PTPRD: variants seen among roughly 807,000 people sequenced by gnomAD.
PTPRD encodes receptor-type tyrosine-protein phosphatase delta.
PTPRD carries 34 observed loss-of-function variants against 214.5 expected under a neutral mutation model. That is an observed-to-expected ratio of 0.16 (90% confidence interval 0.12 to 0.21). The LOEUF (loss-of-function observed/expected upper bound fraction) is 0.21. Ranked by LOEUF, PTPRD falls within the 10% of genes least tolerant of loss-of-function variation. The pLI, the probability that PTPRD is intolerant of heterozygous loss-of-function variation, is 1.00. For missense variants in PTPRD, 2,545 were observed against 2,398.7 expected (o/e 1.06, Z -1.27); for synonymous variants, 1,128 against 845.7 (o/e 1.33, Z -5.79).
At position 9,945,021 on chromosome 9, in the gene PTPRD, T is replaced by C. The variant is rs139917177; in HGVS notation, c.-471-6411A>G. On this transcript the variant is annotated intron_variant, in intron 4 of 45. Coordinates refer to ENST00000381196, the MANE Select transcript of PTPRD (RefSeq NM_002839.4). ...GAGGTGTTGAGAGGTAGCTAGAATA[T>C]GGATTTGTCTGAAGGTAAAAAGAAT... Among the ~76,000 whole-genome samples, 23 of 152,196 alleles carry C rather than the reference T, an allele frequency of 1.5e-4. No individual in the cohort carries two copies. In the East Asian group the frequency reaches 4.5e-3, roughly 29 times the overall value.
In PTPRD at chr9:8,341,871, G is replaced by A. The variant is rs931142495; in HGVS notation, c.4769C>T (p.Ala1590Val). ...DIYGHVTLMRAQRNYMVQTED... is the reference protein window; with the variant it reads ...DIYGHVTLMRVQRNYMVQTED... ...TGTTTGAACCATATAGTTCCTCTGG[G>A]CTCTCATTAAAGTTACATGGCCATA... is the stretch of plus-strand genomic sequence containing the variant. Residue 1590 changes from alanine to valine, a missense_variant, in exon 40 of 46, where the codon GCC becomes GTC. Transcript: ENST00000381196. 4 of 1,613,108 alleles carry A rather than the reference G, an allele frequency of 2.5e-6. No individual in the cohort carries two copies. Among genetic ancestry groups the A allele is most frequent in the Non-Finnish European group, 3.4e-6 (4 of 1,179,628 alleles).
intron 37 of PTPRD, among the ~76,000 whole-genome samples, chr9:8,386,825 G>A (rs2087255384): frequency 6.6e-6 from 1 of 152,204 alleles, no homozygotes; most frequent in African/African-American, 2.4e-5. Flanking sequence ...AAGAGCAACT[G>A]GATAGGGAAA....
chr9:8,805,610 A>T (rs912716667), intron 11 of PTPRD, among the ~76,000 whole-genome samples: 9 of 151,284 alleles, frequency 5.9e-5, no homozygotes, highest in East Asian at 2.0e-4. Flanking sequence ...TATTATTATT[A>T]TTTTTTTCCG....
intron 14 of PTPRD, among the ~76,000 whole-genome samples, chr9:8,600,940 G>C (rs536558173): frequency 6.6e-6 from 1 of 152,100 alleles, no homozygotes; most frequent in South Asian, 2.1e-4. Flanking sequence ...AGCCATAGTG[G>C]GGTAAAGCAC....
chr9:10,101,566 G>A (rs985206781), intron 3 of PTPRD, among the ~76,000 whole-genome samples: 1 of 151,606 alleles, frequency 6.6e-6, no homozygotes, highest in Admixed American at 6.6e-5. Flanking sequence ...TACCATAGAA[G>A]GATCACCTTC....
At chr9:8,907,539 T>A (rs1214943809) in intron 11 of PTPRD, among the ~76,000 whole-genome samples, 6,708 of 123,302 alleles carry the variant, frequency 0.054, 247 homozygotes, top group South Asian at 0.09. Context: ...AAAAAATATA[T>A]ATATATATAT....
chr9:9,801,049 T>A (rs1252358205), intron 5 of PTPRD, among the ~76,000 whole-genome samples: 1 of 152,168 alleles, frequency 6.6e-6, no homozygotes, highest in Non-Finnish European at 1.5e-5. Flanking sequence ...TATTTATTAT[T>A]TATTTATTTG....
intron 11 of PTPRD, among the ~76,000 whole-genome samples, chr9:8,900,149 A>C (rs569145508): frequency 3.5e-4 from 53 of 152,296 alleles, no homozygotes; most frequent in African/African-American, 1.3e-3. Context: ...ATACTATATA[A>C]ATAATTTGTT....
At chr9:8,485,077 A>G (rs889138483) in intron 29 of PTPRD, 150 bp downstream of exon 29, 7 of 642,242 alleles carry the variant, frequency 1.1e-5, no homozygotes, top group Admixed American at 2.8e-5. Context: ...ACAAAGCACC[A>G]AACTGTCTCC....
intron 7 of PTPRD, among the ~76,000 whole-genome samples, chr9:9,614,499 A>G (rs2094730637): frequency 6.6e-6 from 1 of 152,202 alleles, no homozygotes; most frequent in Non-Finnish European, 1.5e-5. Flanking sequence ...ATGGATCATT[A>G]TTTACATGAG....
intron 7 of PTPRD, among the ~76,000 whole-genome samples, chr9:9,644,320 G>T (rs1189567779): frequency 6.6e-6 from 1 of 152,130 alleles, no homozygotes; most frequent in Non-Finnish European, 1.5e-5. Flanking sequence ...CAAGGCTTTT[G>T]TGGTTTTCTG....
At chr9:10,546,844 G>C (rs1220394546) in intron 2 of PTPRD, among the ~76,000 whole-genome samples, 2 of 152,010 alleles carry the variant, frequency 1.3e-5, no homozygotes, top group Non-Finnish European at 2.9e-5. Context: ...TAGCAAAATA[G>C]GGAAAAATAG....
At chr9:8,801,464 C>G (rs1292152629) in intron 11 of PTPRD, among the ~76,000 whole-genome samples, 1 of 152,224 alleles carries the variant, frequency 6.6e-6, no homozygotes, top group Non-Finnish European at 1.5e-5. Flanking sequence ...CGCCTGTAAT[C>G]TCAGCAATCT....
rs2056187629 is a variant in PTPRD at position 9,361,611 on chromosome 9, C to T, written c.-203+35838G>A. ...ATCAAATCAGTGTAATTGGGATATC[C>T]ATCACTTTAAATATGTATCTTTTCT... On this transcript the variant is annotated intron_variant, in intron 9 of 45. Coordinates refer to ENST00000381196, the MANE Select transcript of PTPRD (RefSeq NM_002839.4). Among the ~76,000 whole-genome samples the T allele has an allele frequency of 4.6e-5, 7 of 150,734 alleles. No homozygotes were observed. The Admixed American group carries it at 4.6e-4, about 10-fold the overall frequency.
intron 43 of PTPRD, among the ~76,000 whole-genome samples, chr9:8,338,081 CAAACCTAAGTTTGGAGA>C (rs1158082206): frequency 6.6e-6 from 1 of 152,038 alleles, no homozygotes; most frequent in African/African-American, 2.4e-5. Flanking sequence ...AGACAATCTC[CAAACCTAAGTTTGGAGA>C]AAGCTGCTTT....
Position 9,091,387 on chromosome 9 carries a change from T to G in PTPRD, c.-142-72652A>C, listed in dbSNP as rs185554437. The G allele has an allele frequency of 7.2e-4, 480 of 667,028 alleles. 1 individual carries two copies. The African/African-American group carries it at 7.4e-3, about 10-fold the overall frequency. The allele number at this position is 667,028 out of a possible 1,614,324, so 41.3% of individuals were successfully genotyped here. On this transcript the variant is annotated intron_variant, in intron 10 of 45. Coordinates refer to ENST00000381196, the MANE Select transcript of PTPRD (RefSeq NM_002839.4). ...TTTCTGTAAATCTCCAATCACCTTA[T>G]GACTCTGGTTCTTACTAAAGTTTTA...
chr9:8,649,705 A>AT (rs2096766953), intron 12 of PTPRD, among the ~76,000 whole-genome samples: 1 of 152,206 alleles, frequency 6.6e-6, no homozygotes, highest in African/African-American at 2.4e-5. Flanking sequence ...ATGGAAAGTG[A>AT]TTTGCCTGAG....
chr9:10,140,205 G>A (rs923079917), intron 3 of PTPRD, among the ~76,000 whole-genome samples: 1 of 151,682 alleles, frequency 6.6e-6, no homozygotes. Context: ...CCAATATCCA[G>A]AATCTATAAG....
intron 9 of PTPRD, among the ~76,000 whole-genome samples, chr9:9,200,885 C>T (rs1364404818): frequency 2.0e-5 from 3 of 152,142 alleles, no homozygotes; most frequent in South Asian, 2.1e-4. Flanking sequence ...TGTGGTTTTC[C>T]TCTCTATTGT....
Sources: gnomAD v4.1 joint callset for allele counts (sites outside exome capture counted in the v4.1 genomes callset) on GRCh38, gnomAD v4.1.1 for gene constraint, MANE v1.5 for transcripts, NCBI Gene and HGNC (gene_info 2026-07-23, HGNC 2026-07-21) for gene names.